RFX2: variants seen among roughly 807,000 people sequenced by gnomAD.
RFX2 encodes the protein regulatory factor X2, also known as DNA-binding protein RFX2.
In RFX2, 20 loss-of-function variants were observed where a neutral mutation model predicts 87.8. That is an observed-to-expected ratio of 0.23 (90% CI 0.16 to 0.33). RFX2 has a LOEUF of 0.33. Ranked by LOEUF, RFX2 falls within the 10% of genes least tolerant of loss-of-function variation. The pLI is 1.00. For missense variants in RFX2, 767 were observed against 1,012.3 expected, an observed-to-expected ratio of 0.76 and a Z score of 3.29; for synonymous variants, 397 against 431.3, an observed-to-expected ratio of 0.92 and a Z score of 0.98.
chr19:6,007,616 G>T lies in RFX2; in HGVS notation c.1247+74C>A. On this transcript the variant is annotated intron_variant, in intron 11 of 17. Coordinates refer to ENST00000303657, the MANE Select transcript of RFX2 (RefSeq NM_000635.4). This position sits in a 1 kb window ranked among gnomAD's most constrained non-coding sequence, Gnocchi z 8.2. ...TCTTGGAGAGCTGAGGCTTTCGTTT[G>T]TGGGTTACCTGTGGACGTCAGCAGG... 1.2e-6 allele frequency: 1 copy of T among 845,130 alleles called. No individual in the cohort carries two copies. Among genetic ancestry groups the T allele is most frequent in the South Asian group, 1.5e-5 (1 of 68,056 alleles). 52.4% of individuals were successfully genotyped at this position (845,130 alleles called of 1,614,324 possible). A position where few individuals can be genotyped will look rare whatever the true frequency, so the allele number is the denominator to read the frequency against.
chr19:6,029,256 C>CAAAAAAAAAAAAAAAAAAAAA (rs549438410), intron 5 of RFX2, among the ~76,000 whole-genome samples: 1 of 94,440 alleles, frequency 1.1e-5, no homozygotes. Flanking sequence ...ATGAGGCACG[C>CAAAAAAAAAAAAAAAAAAAAA]AAAAAAAAAA....
intron 1 of RFX2, among the ~76,000 whole-genome samples, chr19:6,078,933 G>A (rs1386918914): frequency 1.3e-5 from 2 of 152,150 alleles, no homozygotes; most frequent in African/African-American, 4.8e-5. Flanking sequence ...ATGCCACCAT[G>A]CCCAGCTAAT....
chr19:6,102,970 T>C (rs953301509), intron 1 of RFX2, among the ~76,000 whole-genome samples: 2 of 152,122 alleles, frequency 1.3e-5, no homozygotes, highest in Non-Finnish European at 2.9e-5. Flanking sequence ...CATCTCGTTT[T>C]TTATTATGAA....
intron 1 of RFX2, among the ~76,000 whole-genome samples, chr19:6,054,548 AT>A (rs895990936): frequency 1.3e-5 from 2 of 151,696 alleles, no homozygotes; most frequent in Non-Finnish European, 2.9e-5. Context: ...TTATCAATTG[AT>A]TTTTTTTTCT....
In RFX2 at chr19:6,013,278, C is replaced by T. The variant is rs570950615; in HGVS notation, c.780-173G>A. Among the ~76,000 whole-genome samples, 4 of 152,098 alleles carry T rather than the reference C, an allele frequency of 2.6e-5. No individual in the cohort carries two copies. The highest frequency in any genetic ancestry group is 4.2e-4 in the South Asian group (2 of 4,818). On this transcript the variant is annotated intron_variant, in intron 7 of 17. Transcript: ENST00000303657. This position sits in a 1 kb window ranked among gnomAD's most constrained non-coding sequence, Gnocchi z 4.1. Reference sequence around the variant, plus strand: ...TCGGCTCACTGCAATCTCCGCCTCCCGGGTTTAAGAGATTCTCCTGCCTCA... The same window carrying T: ...TCGGCTCACTGCAATCTCCGCCTCCTGGGTTTAAGAGATTCTCCTGCCTCA...
chr19:6,003,914 G>T (rs1275219838), intron 13 of RFX2, among the ~76,000 whole-genome samples: 1 of 151,854 alleles, frequency 6.6e-6, no homozygotes, highest in Non-Finnish European at 1.5e-5. Flanking sequence ...AGCAATAAGG[G>T]TCACAGCAAG....
At chr19:6,091,466 G>A (rs1453001927) in intron 1 of RFX2, among the ~76,000 whole-genome samples, 1 of 151,322 alleles carries the variant, frequency 6.6e-6, no homozygotes, top group African/African-American at 2.4e-5. Context: ...AAAAAAAGGT[G>A]AATTGTATGT....
Position 6,023,190 on chromosome 19 carries a change from C to CTG in RFX2, c.597+2971_597+2972dup, listed in dbSNP as rs1319021357. On this transcript the variant is annotated intron_variant, in intron 6 of 17. Transcript: ENST00000303657. This position sits in a 1 kb window ranked among gnomAD's most constrained non-coding sequence, Gnocchi z 4.9. The stretch of plus-strand genomic sequence containing the variant: ...AGGCCCTGCTGCTGGGGCGACCTGC[C>CTG]TGGGGCTGTCTGAGAAGGGAGGTCT... 1.3e-5 allele frequency: 2 copies of CTG among 152,766 alleles called. No homozygotes were observed. The highest frequency in any genetic ancestry group is 3.8e-4 in the East Asian group (2 of 5,206). The allele number at this position is 152,766 out of a possible 1,614,324, so 9.5% of individuals were successfully genotyped here. A position where few individuals can be genotyped will look rare whatever the true frequency, so the allele number is the denominator to read the frequency against.
At chr19:6,052,796 G>A (rs931897178) in intron 1 of RFX2, among the ~76,000 whole-genome samples, 3 of 151,960 alleles carry the variant, frequency 2.0e-5, no homozygotes, top group Admixed American at 6.6e-5. Context: ...TAATCCATGG[G>A]TCAAATAATA....
In RFX2 at chr19:6,022,113, T is replaced by C. The variant is rs1448380966; in HGVS notation, c.597+4050A>G. On this transcript the variant is annotated intron_variant, in intron 6 of 17. Transcript: ENST00000303657. The surrounding 1 kb of genome is among the most constrained non-coding windows in gnomAD (Gnocchi z 6.2). ...GCTGCCCCTGCCTCAGATGGGACCG[T>C]GGGCGGGAGGCGCAGGGGTTGTGGG... Among the ~76,000 whole-genome samples the C allele has an allele frequency of 6.6e-6, 1 of 151,948 alleles. No homozygotes were observed. Among genetic ancestry groups the C allele is most frequent in the Non-Finnish European group, 1.5e-5 (1 of 67,976 alleles).
chr19:6,013,205 A>G lies in RFX2; in HGVS notation c.780-100T>C, dbSNP rs1016826538. ...CTTTCTTTCTTCTTTTTTTTTTTTG[A>G]GACAGAATCTCATTCTGTCGCCCAG... is the stretch of plus-strand genomic sequence containing the variant. On this transcript the variant is annotated intron_variant, in intron 7 of 17. Transcript: ENST00000303657. This position sits in a 1 kb window ranked among gnomAD's most constrained non-coding sequence, Gnocchi z 4.1. The G allele has an allele frequency of 5.4e-5, 63 of 1,171,672 alleles. No homozygotes were observed. The highest frequency in any genetic ancestry group is 2.2e-4 in the Middle Eastern group (1 of 4,466). The allele number at this position is 1,171,672 out of a possible 1,614,324, so 72.6% of individuals were successfully genotyped here. A position where few individuals can be genotyped will look rare whatever the true frequency, so the allele number is the denominator to read the frequency against.
chr19:6,054,285 C>T (rs1257989044), intron 1 of RFX2, among the ~76,000 whole-genome samples: 1 of 152,034 alleles, frequency 6.6e-6, no homozygotes, highest in Non-Finnish European at 1.5e-5. Flanking sequence ...AAACTTCAGG[C>T]ACATATAGTT....
intron 16 of RFX2, among the ~76,000 whole-genome samples, chr19:5,996,328 G>C (rs1211936168): frequency 9.9e-5 from 4 of 40,276 alleles, no homozygotes. Flanking sequence ...GTGCAGCACG[G>C]AGGGACGAGC....
In RFX2 at chr19:6,026,012, T is replaced by C. The variant is rs2086884268; in HGVS notation, c.597+151A>G. ...GTTGGCCAGGCTGGTCTCAAACTCC[T>C]GACTTCAAGTGATCCACCCGCCTTG... On this transcript the variant is annotated intron_variant, in intron 6 of 17. Transcript: ENST00000303657. The surrounding 1 kb of genome is among the most constrained non-coding windows in gnomAD (Gnocchi z 4.5). 1 of 622,744 alleles carries C rather than the reference T, an allele frequency of 1.6e-6. No homozygotes were observed. The highest frequency in any genetic ancestry group is 1.9e-5 in the African/African-American group (1 of 53,108). The allele number at this position is 622,744 out of a possible 1,614,324, so 38.6% of individuals were successfully genotyped here.
In RFX2 at chr19:6,017,184, G is replaced by A. The variant is rs510664; in HGVS notation, c.598-913C>T. 0.016 allele frequency among the ~76,000 whole-genome samples: 2,400 copies of A among 152,256 alleles called. 52 individuals carry two copies. Among genetic ancestry groups the A allele is most frequent in the African/African-American group, 0.054 (2,252 of 41,536 alleles). ...GTTGAGGCTGCAGTGAGCTAGGGTC[G>A]CGCCACACTGTACTCCAGCCTGGGC... On this transcript the variant is annotated intron_variant, in intron 6 of 17. Coordinates refer to ENST00000303657, the MANE Select transcript of RFX2 (RefSeq NM_000635.4). This position sits in a 1 kb window ranked among gnomAD's most constrained non-coding sequence, Gnocchi z 4.1.
At position 6,001,867 on chromosome 19, in the gene RFX2, G is replaced by A. The variant is rs201303271; in HGVS notation, c.1807C>T (p.Pro603Ser). The A allele has an allele frequency of 5.7e-5, 92 of 1,613,034 alleles. No individual in the cohort carries two copies. Among genetic ancestry groups the A allele is most frequent in the Middle Eastern group, 1.6e-4 (1 of 6,078 alleles). ...TGCCGGGCGGCCTTGGGGAAGCTGG[G>A]GCTGCCGGCATGCTGCTTCAGGACC... ...TQVLKQHAGS[P>S]SFPKAARQFL... Residue 603 changes from proline to serine, a missense_variant, in exon 15 of 18, where the codon CCC becomes TCC. This residue lies in a region of RFX2 where 621 missense variants were observed against 873.0 expected (regional missense o/e 0.71). Transcript: ENST00000303657. This position sits in a 1 kb window ranked among gnomAD's most constrained non-coding sequence, Gnocchi z 5.6.
chr19:6,078,474 T>C (rs1342873803), intron 1 of RFX2: 1 of 152,126 alleles, frequency 6.6e-6, no homozygotes, highest in East Asian at 1.9e-4. Context: ...TCTAAAACTA[T>C]GCTGCCATTA....
At position 6,007,048 on chromosome 19, in the gene RFX2, C is replaced by T. The variant is rs1467893609; in HGVS notation, c.1366G>A (p.Glu456Lys). Residue 456 changes from glutamate (E) to lysine (K), a missense_variant, in exon 12 of 18, where the codon GAG (glutamate) becomes AAG (lysine). Transcript: ENST00000303657. The surrounding 1 kb of genome is among the most constrained non-coding windows in gnomAD (Gnocchi z 8.2). ...CDHILYQALV[E>K]ILIPDVLRPV... ...CTCAGCACGTCGGGGATGAGAATCT[C>T]CACCAGCGCCTGGTAGAGGATGTGG... The T allele has an allele frequency of 1.2e-6, 2 of 1,614,038 alleles. No individual in the cohort carries two copies. Among genetic ancestry groups the T allele is most frequent in the Admixed American group, 3.3e-5 (2 of 59,992 alleles).
intron 1 of RFX2, among the ~76,000 whole-genome samples, chr19:6,085,915 G>T (rs1238138669): frequency 6.6e-6 from 1 of 151,932 alleles, no homozygotes; most frequent in African/African-American, 2.4e-5. Context: ...AACATAGTGA[G>T]ACCTCGTCTC....
Sources: allele counts gnomAD v4.1 joint callset (sites outside exome capture counted in the v4.1 genomes callset), GRCh38; gene constraint gnomAD v4.1.1; regional missense constraint gnomAD v4.1.1; non-coding constraint Gnocchi (gnomAD v3.1); transcripts MANE v1.5; gene names NCBI Gene and HGNC (gene_info 2026-07-23, HGNC 2026-07-21).